The following ST18 variants were observed in gnomAD, a reference collection of about 807,000 sequenced individuals.
The protein encoded by ST18 is suppression of tumorigenicity 18 protein.
Under a neutral mutation model 110.0 loss-of-function variants are expected in ST18, and 50 were observed. That is an observed-to-expected ratio of 0.45 (90% CI 0.36 to 0.58). The LOEUF (loss-of-function observed/expected upper bound fraction) is 0.58. Among genes scored for constraint, ST18 ranks in the 20% least tolerant of loss-of-function variants. The pLI, the probability that ST18 is intolerant of heterozygous loss-of-function variation, is 0.00. For synonymous variants in ST18, 461 were observed against 452.4 expected, an observed-to-expected ratio of 1.02 and a Z score of -0.24; for missense variants, 1,306 against 1,280.1, an observed-to-expected ratio of 1.02 and a Z score of -0.31.
intron 6 of ST18, among the ~76,000 whole-genome samples, chr8:52,216,835 G>A (rs2084435521): frequency 6.6e-6 from 1 of 152,144 alleles, no homozygotes; most frequent in African/African-American, 2.4e-5. Flanking sequence ...TATTCAATGA[G>A]TACCTTGTCC....
intron 18 of ST18, 21 bp from the exon 19 acceptor site, chr8:52,136,679 AAACAC>A: frequency 1.3e-6 from 2 of 1,589,368 alleles, no homozygotes; most frequent in Non-Finnish European, 8.6e-7. Flanking sequence ...ATGAGGAAAA[AAACAC>A]AACACAACAC....
chr8:52,377,972 T>C (rs988532942), intron 2 of ST18, among the ~76,000 whole-genome samples: 1 of 152,210 alleles, frequency 6.6e-6, no homozygotes, highest in African/African-American at 2.4e-5. Context: ...TAGAGGGCAT[T>C]ATAATTCAGG....
At chr8:52,145,555 T>A (rs1344591288) in intron 16 of ST18, among the ~76,000 whole-genome samples, 1 of 152,204 alleles carries the variant, frequency 6.6e-6, no homozygotes, top group Non-Finnish European at 1.5e-5. Flanking sequence ...CATTTTATAT[T>A]AAATGAATAC....
At chr8:52,291,196 G>A in intron 2 of ST18, among the ~76,000 whole-genome samples, 1 of 152,168 alleles carries the variant, frequency 6.6e-6, no homozygotes, top group East Asian at 1.9e-4. Flanking sequence ...CTACCTAGTA[G>A]GTGTCACCAA....
At chr8:52,159,741 A>G (rs994266023) in intron 14 of ST18, among the ~76,000 whole-genome samples, 5 of 152,210 alleles carry the variant, frequency 3.3e-5, no homozygotes, top group Non-Finnish European at 7.3e-5. Flanking sequence ...AATAAAGGGC[A>G]GGCAGGAAAT....
chr8:52,200,010 T>A (rs2077426037), intron 8 of ST18, among the ~76,000 whole-genome samples: 1 of 152,240 alleles, frequency 6.6e-6, no homozygotes, highest in African/African-American at 2.4e-5. Flanking sequence ...TGTAGGCTGT[T>A]AGCTTTCAAA....
intron 2 of ST18, among the ~76,000 whole-genome samples, chr8:52,253,875 G>C (rs2094432697): frequency 6.6e-6 from 1 of 152,120 alleles, no homozygotes; most frequent in Non-Finnish European, 1.5e-5. Context: ...TACTGGTGCA[G>C]TATAAATGTA....
At chr8:52,330,985 C>T (rs1809049604) in intron 2 of ST18, among the ~76,000 whole-genome samples, 1 of 152,222 alleles carries the variant, frequency 6.6e-6, no homozygotes, top group Admixed American at 6.5e-5. Context: ...GGGGAAGGGG[C>T]AGGCAGAGGC....
intron 16 of ST18, among the ~76,000 whole-genome samples, chr8:52,148,062 T>C (rs1204876063): frequency 6.6e-6 from 1 of 152,020 alleles, no homozygotes; most frequent in Non-Finnish European, 1.5e-5. Flanking sequence ...CTCTGTTTTT[T>C]GGCACAAGCC....
At chr8:52,117,145 G>A (rs1586131408) in intron 24 of ST18, among the ~76,000 whole-genome samples, 2 of 152,144 alleles carry the variant, frequency 1.3e-5, no homozygotes, top group African/African-American at 4.8e-5. Context: ...CTGTTCTCCT[G>A]TGACCTGCCC....
chr8:52,277,781 C>T lies in ST18; in HGVS notation c.-464-47704G>A, dbSNP rs144359977. 3.5e-3 allele frequency among the ~76,000 whole-genome samples: 532 copies of T among 152,238 alleles called. 1 individual carries two copies. Among genetic ancestry groups the T allele is most frequent in the African/African-American group, 9.3e-3 (386 of 41,550 alleles). ...ACTTAAGGATTACTTAAAAGTTCTA[C>T]GTTTTCCAGGTCTTGTTGCTGAGAT... On this transcript the variant is annotated intron_variant, in intron 2 of 25. Coordinates refer to ENST00000689386, the MANE Select transcript of ST18 (RefSeq NM_001352837.2).
Position 52,132,987 on chromosome 8 carries a change from C to A in ST18, c.2444+70G>T, listed in dbSNP as rs377438682. 8.4e-6 allele frequency: 13 copies of A among 1,549,444 alleles called. No homozygotes were observed. The African/African-American group carries it at 1.8e-4, about 21-fold the overall frequency. ...AAACTCAATCCGTGTTCAATTGCAT[C>A]CCAACCAAGTTCCCTCCCATTTTAC... On this transcript the variant is annotated intron_variant, in intron 21 of 25. Coordinates refer to ENST00000689386, the MANE Select transcript of ST18 (RefSeq NM_001352837.2).
intron 19 of ST18, 122 bp from the exon 20 acceptor site, chr8:52,133,423 G>A (rs980112969): frequency 3.5e-6 from 4 of 1,144,856 alleles, no homozygotes; most frequent in South Asian, 2.6e-5. Context: ...TAGTTCACGT[G>A]GAGGGAGGCG....
chr8:52,139,322 TTA>T (rs58564463), intron 17 of ST18, among the ~76,000 whole-genome samples: 30,281 of 148,174 alleles, frequency 0.2, 3,179 homozygotes, highest in East Asian at 0.43. Flanking sequence ...CAGCATTGCA[TTA>T]TATATATATA....
intron 2 of ST18, among the ~76,000 whole-genome samples, chr8:52,327,756 AC>A (rs1460193075): frequency 6.6e-6 from 1 of 152,034 alleles, no homozygotes; most frequent in Non-Finnish European, 1.5e-5. Context: ...TCAAAGCTAA[AC>A]CCCATCAGTA....
At chr8:52,269,357 G>A (rs1015994002) in intron 2 of ST18, among the ~76,000 whole-genome samples, 1 of 152,152 alleles carries the variant, frequency 6.6e-6, no homozygotes, top group Admixed American at 6.5e-5. Flanking sequence ...CATTCCAAGG[G>A]GTAAGACTAA....
intron 2 of ST18, chr8:52,406,049 A>G (rs1003696822): frequency 2.0e-5 from 3 of 152,144 alleles, no homozygotes; most frequent in African/African-American, 7.2e-5. Context: ...TGTCCATATT[A>G]TATTGCCTTA....
chr8:52,187,766 G>T (rs1353381159), intron 8 of ST18, among the ~76,000 whole-genome samples: 1 of 152,074 alleles, frequency 6.6e-6, no homozygotes, highest in Non-Finnish European at 1.5e-5. Context: ...TGTTCTCAAT[G>T]GTATCCGTAT....
rs755402957 is a variant in ST18, at chr8:52,159,067, G to A, written c.1637C>T (p.Pro546Leu). 1 of 1,614,142 alleles carries A rather than the reference G, an allele frequency of 6.2e-7. No homozygotes were observed. The highest frequency in any genetic ancestry group is 1.1e-5 in the South Asian group (1 of 91,068). ...GCTCTGGGTGTGGGCGCCTGCACTA[G>A]GCAGTCGATTAGGAAATTTCACTGG... ...PNPVKFPNRL[P>L]SAGAHTQSPG... Residue 546 changes from proline (P) to leucine (L), a missense_variant, in exon 15 of 26, where the codon CCT becomes CTT. Pro to Leu is a moderately conservative substitution (Grantham distance 98, BLOSUM62 -3). Transcript: ENST00000689386.
Sources: allele counts gnomAD v4.1 joint callset (sites outside exome capture counted in the v4.1 genomes callset), GRCh38; gene constraint gnomAD v4.1.1; transcripts MANE v1.5; gene names NCBI Gene and HGNC (gene_info 2026-07-23, HGNC 2026-07-21).